The following CISD2 variants were observed in gnomAD, a reference collection of about 807,000 sequenced individuals.
The protein encoded by CISD2 is CDGSH iron sulfur domain 2, also known as CDGSH iron-sulfur domain-containing protein 2.
In CISD2, 1 loss-of-function variant was observed where a neutral mutation model predicts 12.9. The observed-to-expected ratio is 0.08, with a 90% CI of 0.03 to 0.37. The LOEUF (loss-of-function observed/expected upper bound fraction) is 0.37, where lower values mean the gene tolerates loss of function less well. CISD2 is among the 10% of genes least tolerant of loss of function. The pLI, the probability that CISD2 is intolerant of heterozygous loss-of-function variation, is 0.99. For synonymous variants in CISD2, 50 were observed against 60.6 expected (o/e 0.83, Z 0.81); for missense variants, 97 against 163.1 (o/e 0.59, Z 2.21).
In CISD2 at chr4:102,890,867, T is replaced by C. The variant is rs1734213388; in HGVS notation, c.*3437T>C. On this transcript the variant is annotated 3_prime_UTR_variant, in exon 3 of 3. Coordinates refer to ENST00000273986, the MANE Select transcript of CISD2 (RefSeq NM_001008388.5). ...AAAAAAAAAAAAGTCTTTTTTTTTT[T>C]TCATCTAATCAAATTTATTGTGGCA... 7.3e-6 allele frequency: 1 copy of C among 136,984 alleles called. No individual in the cohort carries two copies. Among genetic ancestry groups the C allele is most frequent in the South Asian group, 2.3e-4 (1 of 4,440 alleles). The allele number at this position is 136,984 out of a possible 1,614,324, so 8.5% of individuals were successfully genotyped here. A position where few individuals can be genotyped will look rare whatever the true frequency, so the allele number is the denominator to read the frequency against.
chr4:102,869,157 G>A lies in CISD2; in HGVS notation c.73G>A (p.Glu25Lys), dbSNP rs1181728541. 4.3e-6 allele frequency: 7 copies of A among 1,612,048 alleles called. No individual in the cohort carries two copies. The South Asian group carries it at 7.8e-5, about 18-fold the overall frequency. ...ATATCTGAAGCGGCTCCCAGTCCCT[G>A]AAAGCATTACCGGGTTCGCTAGGCT... ...PAYLKRLPVP[E>K]SITGFARLTV... Residue 25 changes from glutamate (E) to lysine (K), a missense_variant, in exon 1 of 3, where the codon GAA (glutamate) becomes AAA (lysine). This residue lies in a region of CISD2 where 89 missense variants were observed against 114.4 expected (regional missense o/e 0.78). Transcript: ENST00000273986.
At chr4:102,870,219 T>C (rs1177217488) in intron 1 of CISD2, among the ~76,000 whole-genome samples, 1 of 152,076 alleles carries the variant, frequency 6.6e-6, no homozygotes, top group African/African-American at 2.4e-5. Flanking sequence ...AGAAGAAAAA[T>C]AAGATTTGTG....
In CISD2 at chr4:102,869,195, TC is replaced by T. The variant is rs768213684; in HGVS notation, c.103+13del. On this transcript the variant is annotated intron_variant, in intron 1 of 2. Coordinates refer to ENST00000273986, the MANE Select transcript of CISD2 (RefSeq NM_001008388.5). ...GGTTCGCTAGGCTCACAGGTAATCC[TC>T]CCCCATCAGCCAGTCCCCATCCTTG... The T allele has an allele frequency of 3.8e-6, 6 of 1,597,788 alleles. No homozygotes were observed. The highest frequency in any genetic ancestry group is 2.7e-5 in the African/African-American group (2 of 74,604).
chr4:102,869,196 C>T lies in CISD2; in HGVS notation c.103+9C>T, dbSNP rs751392145. 4 of 1,596,488 alleles carry T rather than the reference C, an allele frequency of 2.5e-6. No homozygotes were observed. The highest frequency in any genetic ancestry group is 1.7e-6 in the Non-Finnish European group (2 of 1,171,486). ...GTTCGCTAGGCTCACAGGTAATCCT[C>T]CCCCATCAGCCAGTCCCCATCCTTG... On this transcript the variant is annotated intron_variant, in intron 1 of 2. Transcript: ENST00000273986.
intron 1 of CISD2, among the ~76,000 whole-genome samples, chr4:102,881,636 C>T (rs921645319): frequency 6.6e-6 from 1 of 152,096 alleles, no homozygotes; most frequent in African/African-American, 2.4e-5. Flanking sequence ...AGCTGTATTG[C>T]TTTCATGTAT....
At chr4:102,871,151 G>A (rs1409010680) in intron 1 of CISD2, among the ~76,000 whole-genome samples, 2 of 152,154 alleles carry the variant, frequency 1.3e-5, no homozygotes, top group African/African-American at 4.8e-5. Flanking sequence ...GGCTGCATTT[G>A]TATTAGTTTC....
At chr4:102,869,338 A>T (rs1346929932) in intron 1 of CISD2, 151 bp downstream of exon 1, 1 of 1,052,742 alleles carries the variant, frequency 9.5e-7, no homozygotes, top group Non-Finnish European at 1.4e-6. Context: ...GCGCCGACGC[A>T]GCTGCCTGGG....
rs1393364328 is a variant in CISD2 at position 102,890,178 on chromosome 4, C to G, written c.*2748C>G. 2.4e-4 allele frequency: 36 copies of G among 152,196 alleles called. No individual in the cohort carries two copies. The highest frequency in any genetic ancestry group is 1.5e-5 in the Non-Finnish European group (1 of 68,036). 9.4% of individuals were successfully genotyped at this position (152,196 alleles called of 1,614,324 possible). ...AAAGCACCTCACAATTCACACAATT[C>G]AGCTTTGAGTTCAATGCCAAATACG... is the stretch of plus-strand genomic sequence containing the variant. On this transcript the variant is annotated 3_prime_UTR_variant, in exon 3 of 3. Coordinates refer to ENST00000273986, the MANE Select transcript of CISD2 (RefSeq NM_001008388.5).
rs186487298 is a variant in CISD2, at chr4:102,873,822, A to G, written c.103+4635A>G. 4.2e-3 allele frequency among the ~76,000 whole-genome samples: 630 copies of G among 151,796 alleles called. 1 individual carries two copies. The highest frequency in any genetic ancestry group is 0.014 in the African/African-American group (595 of 41,362). On this transcript the variant is annotated intron_variant, in intron 1 of 2. Coordinates refer to ENST00000273986, the MANE Select transcript of CISD2 (RefSeq NM_001008388.5). ...CTCAATAAGAAGATGAACAACTCAC[A>G]TTTAAAAATTGGCAAAACAGGCCAG...
At chr4:102,876,619 G>A (rs1733599203) in intron 1 of CISD2, among the ~76,000 whole-genome samples, 1 of 152,056 alleles carries the variant, frequency 6.6e-6, no homozygotes. Flanking sequence ...GTTTGGTGAT[G>A]CACACCTGTA....
chr4:102,872,435 TAAGAAA>T (rs1392067426), intron 1 of CISD2, among the ~76,000 whole-genome samples: 5 of 152,190 alleles, frequency 3.3e-5, no homozygotes, highest in African/African-American at 1.2e-4. Flanking sequence ...TTTCTACAGT[TAAGAAA>T]TAGAAATAAT....
intron 1 of CISD2, among the ~76,000 whole-genome samples, chr4:102,876,325 G>A (rs1160433422): frequency 6.6e-6 from 1 of 152,228 alleles, no homozygotes; most frequent in Non-Finnish European, 1.5e-5. Flanking sequence ...GTTGTTTACT[G>A]AAGTCCTGTT....
At position 102,889,964 on chromosome 4, in the gene CISD2, A is replaced by G. The variant is rs1234441441; in HGVS notation, c.*2534A>G. ...TGTCTTCGGTTTCTAGAGCCTTCAAAATACAGCCCTGTTGTTACTGCGTCA... is the reference window on the plus strand; with the variant it reads ...TGTCTTCGGTTTCTAGAGCCTTCAAGATACAGCCCTGTTGTTACTGCGTCA... On this transcript the variant is annotated 3_prime_UTR_variant, in exon 3 of 3. Coordinates refer to ENST00000273986, the MANE Select transcript of CISD2 (RefSeq NM_001008388.5). 13 of 144,492 alleles carry G rather than the reference A, an allele frequency of 9.0e-5. No homozygotes were observed. The highest frequency in any genetic ancestry group is 2.1e-4 in the Admixed American group (3 of 14,334). 9.0% of individuals were successfully genotyped at this position (144,492 alleles called of 1,614,324 possible).
intron 1 of CISD2, among the ~76,000 whole-genome samples, chr4:102,880,087 C>T (rs752845156): frequency 3.3e-5 from 5 of 152,022 alleles, no homozygotes; most frequent in Non-Finnish European, 7.4e-5. Context: ...GGATTACAGG[C>T]GTGTGCCACC....
chr4:102,872,419 T>A (rs1733479901), intron 1 of CISD2, among the ~76,000 whole-genome samples: 1 of 152,192 alleles, frequency 6.6e-6, no homozygotes, highest in Admixed American at 6.5e-5. Flanking sequence ...TGAAAATATT[T>A]TATCTTTTCT....
At chr4:102,887,013 T>G (rs1295461822) in intron 2 of CISD2, among the ~76,000 whole-genome samples, 2 of 152,226 alleles carry the variant, frequency 1.3e-5, no homozygotes, top group Non-Finnish European at 2.9e-5. Flanking sequence ...TGTTTTAAAA[T>G]TAAGCAATAG....
chr4:102,875,410 A>G (rs1314101840), intron 1 of CISD2, among the ~76,000 whole-genome samples: 1 of 152,238 alleles, frequency 6.6e-6, no homozygotes, highest in East Asian at 1.9e-4. Flanking sequence ...CTCCTTTCTA[A>G]CAGGGAGTGT....
chr4:102,876,749 G>GAA (rs112675674), intron 1 of CISD2, among the ~76,000 whole-genome samples: 3 of 143,064 alleles, frequency 2.1e-5, no homozygotes, highest in African/African-American at 7.6e-5. Context: ...ACTCCATCTG[G>GAA]AAAAAAAAAA....
At chr4:102,882,368 A>G (rs2110397703) in intron 1 of CISD2, among the ~76,000 whole-genome samples, 1 of 152,324 alleles carries the variant, frequency 6.6e-6, no homozygotes, top group East Asian at 1.9e-4. Context: ...GCTGGGGCCA[A>G]TTGCAAGCTA....
Sources: gnomAD v4.1 joint callset for allele counts (sites outside exome capture counted in the v4.1 genomes callset) on GRCh38, gnomAD v4.1.1 for gene constraint, gnomAD v4.1.1 regional missense constraint, MANE v1.5 for transcripts, NCBI Gene and HGNC (gene_info 2026-07-23, HGNC 2026-07-21) for gene names.